The following ADAMTS12 variants were observed in gnomAD, a reference collection of about 807,000 sequenced individuals.
ADAMTS12 encodes the protein A disintegrin and metalloproteinase with thrombospondin motifs 12.
Under a neutral mutation model 167.8 loss-of-function variants are expected in ADAMTS12, and 118 were observed. The observed-to-expected ratio is 0.70, with a 90% CI of 0.61 to 0.82. The LOEUF is 0.82. ADAMTS12 is among the 40% of genes least tolerant of loss of function. The pLI, the probability that ADAMTS12 is intolerant of heterozygous loss-of-function variation, is 0.00. For synonymous variants in ADAMTS12, 704 were observed against 716.9 expected, an observed-to-expected ratio of 0.98 and a Z score of 0.29; for missense variants, 1,916 against 1,998.8, an observed-to-expected ratio of 0.96 and a Z score of 0.79.
chr5:33,714,594 T>G (rs926667470), intron 3 of ADAMTS12, among the ~76,000 whole-genome samples: 3 of 152,030 alleles, frequency 2.0e-5, no homozygotes, highest in Admixed American at 6.6e-5. Context: ...GTGGGATATA[T>G]ACATGATGGA....
chr5:33,753,805 T>A (rs1454192223), intron 2 of ADAMTS12, among the ~76,000 whole-genome samples: 1 of 152,162 alleles, frequency 6.6e-6, no homozygotes, highest in Non-Finnish European at 1.5e-5. Flanking sequence ...CACAAAGTGG[T>A]CTTGCCAGGG....
intron 2 of ADAMTS12, among the ~76,000 whole-genome samples, chr5:33,758,019 C>T (rs1418654867): frequency 6.6e-6 from 1 of 152,128 alleles, no homozygotes; most frequent in Non-Finnish European, 1.5e-5. Context: ...GCCTCAGTTT[C>T]CTCATCTGAT....
intron 2 of ADAMTS12, among the ~76,000 whole-genome samples, chr5:33,862,602 T>C (rs965417335): frequency 2.0e-5 from 3 of 152,204 alleles, no homozygotes; most frequent in Non-Finnish European, 2.9e-5. Context: ...ACAGCCTAAT[T>C]CTACCAGAGG....
intron 2 of ADAMTS12, among the ~76,000 whole-genome samples, chr5:33,784,554 C>A (rs1253051555): frequency 6.6e-6 from 1 of 151,890 alleles, no homozygotes; most frequent in Non-Finnish European, 1.5e-5. Context: ...CAGAAATAAA[C>A]AATCCAAAAA....
At chr5:33,891,349 A>G (rs1171266984) in intron 1 of ADAMTS12, among the ~76,000 whole-genome samples, 1 of 152,020 alleles carries the variant, frequency 6.6e-6, no homozygotes, top group Non-Finnish European at 1.5e-5. Context: ...AATGACGGCC[A>G]GTAGCCAGTT....
chr5:33,857,974 A>G (rs1430708839), intron 2 of ADAMTS12, among the ~76,000 whole-genome samples: 1 of 152,174 alleles, frequency 6.6e-6, no homozygotes, highest in Non-Finnish European at 1.5e-5. Flanking sequence ...AAAATCAGCT[A>G]GGGTAAAGTA....
intron 2 of ADAMTS12, among the ~76,000 whole-genome samples, chr5:33,797,586 G>A (rs1183742021): frequency 6.6e-6 from 1 of 151,142 alleles, no homozygotes; most frequent in Admixed American, 6.6e-5. Flanking sequence ...TAGTGATGAA[G>A]GTTCCCCACA....
chr5:33,624,398 A>T (rs1739481869), intron 13 of ADAMTS12, 47 bp from the exon 14 acceptor site: 3 of 1,610,792 alleles, frequency 1.9e-6, no homozygotes, highest in Non-Finnish European at 2.5e-6. Context: ...AGGGGATGCC[A>T]CTCTTGCCTG....
chr5:33,593,283 G>A (rs932517980), intron 17 of ADAMTS12, among the ~76,000 whole-genome samples: 6 of 152,120 alleles, frequency 3.9e-5, no homozygotes, highest in African/African-American at 1.4e-4. Context: ...TTAAATGTAG[G>A]GGATTCTGGT....
intron 3 of ADAMTS12, among the ~76,000 whole-genome samples, chr5:33,742,756 CATT>C: frequency 6.6e-6 from 1 of 152,264 alleles, no homozygotes; most frequent in East Asian, 1.9e-4. Context: ...CTCATTTACT[CATT>C]CATTCATTCA....
At chr5:33,828,547 G>A (rs1748176632) in intron 2 of ADAMTS12, among the ~76,000 whole-genome samples, 1 of 152,102 alleles carries the variant, frequency 6.6e-6, no homozygotes, top group Admixed American at 6.5e-5. Flanking sequence ...TAAGAAATAT[G>A]TTCCTACCAC....
At chr5:33,877,603 T>G (rs920714243) in intron 2 of ADAMTS12, among the ~76,000 whole-genome samples, 1 of 152,196 alleles carries the variant, frequency 6.6e-6, no homozygotes, top group Middle Eastern at 3.4e-3. Flanking sequence ...ATGCCAAAGT[T>G]GTGAAAATGT....
At chr5:33,794,616 G>A (rs1049830542) in intron 2 of ADAMTS12, among the ~76,000 whole-genome samples, 5 of 108,096 alleles carry the variant, frequency 4.6e-5, no homozygotes, top group African/African-American at 1.8e-4. Context: ...AGGTAGGCAC[G>A]GCACTTCTTC....
chr5:33,777,946 T>C (rs1411408774), intron 2 of ADAMTS12, among the ~76,000 whole-genome samples: 2 of 151,890 alleles, frequency 1.3e-5, no homozygotes, highest in Admixed American at 6.6e-5. Context: ...AAAAATAAAA[T>C]AATTAGAAAT....
chr5:33,614,693 A>G (rs1738901155), intron 15 of ADAMTS12, among the ~76,000 whole-genome samples: 1 of 152,220 alleles, frequency 6.6e-6, no homozygotes, highest in Non-Finnish European at 1.5e-5. Context: ...CTCTGTGGAA[A>G]TGGCAAGGAG....
chr5:33,839,260 T>C (rs1748650706), intron 2 of ADAMTS12, among the ~76,000 whole-genome samples: 2 of 152,188 alleles, frequency 1.3e-5, no homozygotes, highest in Non-Finnish European at 2.9e-5. Context: ...TGTTATAAGA[T>C]TCTAGTAAGC....
intron 2 of ADAMTS12, among the ~76,000 whole-genome samples, chr5:33,796,003 A>G (rs1746762763): frequency 6.6e-6 from 1 of 152,356 alleles, no homozygotes; most frequent in East Asian, 1.9e-4. Flanking sequence ...CTGTCCATAC[A>G]AGAGAAAAAA....
chr5:33,627,888 G>C (rs1739735026), intron 13 of ADAMTS12, among the ~76,000 whole-genome samples: 1 of 152,196 alleles, frequency 6.6e-6, no homozygotes. Flanking sequence ...ACTTGGGACA[G>C]TGGGAAGATT....
chr5:33,825,280 T>C (rs1334890551), intron 2 of ADAMTS12, among the ~76,000 whole-genome samples: 1 of 152,204 alleles, frequency 6.6e-6, no homozygotes, highest in Non-Finnish European at 1.5e-5. Flanking sequence ...AGTCATCTAC[T>C]GAAATTCCAG....
Sources: gnomAD v4.1 joint callset for allele counts (sites outside exome capture counted in the v4.1 genomes callset) on GRCh38, gnomAD v4.1.1 for gene constraint, MANE v1.5 for transcripts, NCBI Gene and HGNC (gene_info 2026-07-23, HGNC 2026-07-21) for gene names.